Variants in ATP11A observed in about 807,000 individuals in gnomAD.
The protein encoded by ATP11A is ATPase phospholipid transporting 11A, also known as phospholipid-transporting ATPase IH.
ATP11A carries 81 observed loss-of-function variants against 154.4 expected under a neutral mutation model. The observed-to-expected ratio is 0.52, with a 90% confidence interval of 0.44 to 0.63. The LOEUF is 0.63. ATP11A is among the 30% of genes least tolerant of loss of function. The pLI is 0.00. For missense variants in ATP11A, 1,316 were observed against 1,474.3 expected (o/e 0.89, Z 1.76); for synonymous variants, 623 against 585.9 (o/e 1.06, Z -0.91).
At chr13:112,782,049 C>A (rs1341270581) in intron 1 of ATP11A, among the ~76,000 whole-genome samples, 1 of 152,388 alleles carries the variant, frequency 6.6e-6, no homozygotes, top group South Asian at 2.1e-4. Context: ...TTTTCTGAAG[C>A]CATGGCACAG....
chr13:112,859,410 C>G lies in ATP11A; in HGVS notation c.2685C>G (p.Phe895Leu). 1 of 1,614,088 alleles carries G rather than the reference C, an allele frequency of 6.2e-7. No homozygotes were observed. Among genetic ancestry groups the G allele is most frequent in the Non-Finnish European group, 8.5e-7 (1 of 1,179,938 alleles). ...CCTTTCAGAACGTCTGCTTCATCTT[C>G]CCTCAGTTTTTATACCAGTTCTTCT... Reference protein sequence around the residue: ...YFFYKNVCFIFPQFLYQFFCG... With the variant: ...YFFYKNVCFILPQFLYQFFCG... Residue 895 changes from phenylalanine to leucine, a missense_variant, in exon 23 of 30, where the codon TTC becomes TTG. Coordinates refer to ENST00000375645, the MANE Select transcript of ATP11A (RefSeq NM_015205.3). The surrounding 1 kb of genome is among the most constrained non-coding windows in gnomAD (Gnocchi z 4.3).
chr13:112,867,028 G>A (rs1481656665), intron 25 of ATP11A, among the ~76,000 whole-genome samples: 1 of 145,276 alleles, frequency 6.9e-6, no homozygotes, highest in Non-Finnish European at 1.5e-5. Flanking sequence ...ATTTTCTTCC[G>A]AGTTGGGCTT....
At chr13:112,775,612 A>G (rs2077329415) in intron 1 of ATP11A, among the ~76,000 whole-genome samples, 1 of 152,264 alleles carries the variant, frequency 6.6e-6, no homozygotes, top group African/African-American at 2.4e-5. Context: ...GTAAGAAAAA[A>G]ATTGGTTGGT....
At chr13:112,708,040 G>A (rs764696743) in intron 1 of ATP11A, among the ~76,000 whole-genome samples, 2 of 152,126 alleles carry the variant, frequency 1.3e-5, no homozygotes, top group Non-Finnish European at 1.5e-5. Flanking sequence ...AAGCCCAACC[G>A]CACGTCACGC....
intron 1 of ATP11A, among the ~76,000 whole-genome samples, chr13:112,725,321 G>A (rs1320172786): frequency 1.3e-5 from 2 of 152,150 alleles, no homozygotes; most frequent in African/African-American, 4.8e-5. Context: ...AGACCCCTGG[G>A]GAGCAGACGA....
rs942455319 is a variant in ATP11A at position 112,746,486 on chromosome 13, A to T, written c.40-38649A>T. 1 of 152,064 alleles carries T rather than the reference A, an allele frequency of 6.6e-6. No individual in the cohort carries two copies. The highest frequency in any genetic ancestry group is 1.5e-5 in the Non-Finnish European group (1 of 68,058). 9.4% of individuals were successfully genotyped at this position (152,064 alleles called of 1,614,324 possible). A position where few individuals can be genotyped will look rare whatever the true frequency, so the allele number is the denominator to read the frequency against. On this transcript the variant is annotated intron_variant, in intron 1 of 29. Coordinates refer to ENST00000375645, the MANE Select transcript of ATP11A (RefSeq NM_015205.3). The surrounding 1 kb of genome is among the most constrained non-coding windows in gnomAD (Gnocchi z 4.1). The stretch of plus-strand genomic sequence containing the variant: ...CCCCACGTCCTCACCGGCACTTGGC[A>T]CTGTCTAGTGTTTTGGTAGCAGCCA...
At chr13:112,867,743 C>A in intron 25 of ATP11A, among the ~76,000 whole-genome samples, 1 of 152,228 alleles carries the variant, frequency 6.6e-6, no homozygotes, top group Non-Finnish European at 1.5e-5. Context: ...CCACGGAACC[C>A]GCGTGCAGCC....
intron 7 of ATP11A, 121 bp downstream of exon 7, chr13:112,819,528 T>A: frequency 2.5e-6 from 2 of 800,142 alleles, no homozygotes; most frequent in Non-Finnish European, 2.0e-6. Flanking sequence ...AATCACTGCT[T>A]AAAGATTAAG....
chr13:112,842,304 A>G lies in ATP11A; in HGVS notation c.1734A>G (p.Ala578=), dbSNP rs1343596392. 1 of 1,611,742 alleles carries G rather than the reference A, an allele frequency of 6.2e-7. No individual in the cohort carries two copies. The highest frequency in any genetic ancestry group is 8.5e-7 in the Non-Finnish European group (1 of 1,178,922). ...TGEIYLFCKG[A]DSSIFPRVIE... is the part of the protein sequence containing the mutation. ...AAATTTATCTGTTTTGCAAAGGAGC[A>G]GATTCTTCGATATTCCCCCGAGTGA... is the stretch of plus-strand genomic sequence containing the variant. Residue 578 remains alanine, a synonymous_variant, in exon 17 of 30, where the codon GCA becomes GCG. Coordinates refer to ENST00000375645, the MANE Select transcript of ATP11A (RefSeq NM_015205.3).
At chr13:112,864,464 T>C (rs2080247240) in intron 25 of ATP11A, among the ~76,000 whole-genome samples, 1 of 90,732 alleles carries the variant, frequency 1.1e-5, no homozygotes, top group Non-Finnish European at 2.3e-5. Flanking sequence ...CCATGCAGCT[T>C]CCCAGCGGGG....
intron 16 of ATP11A, among the ~76,000 whole-genome samples, chr13:112,841,158 CTG>C (rs1218719880): frequency 6.7e-6 from 1 of 150,370 alleles, no homozygotes; most frequent in African/African-American, 2.5e-5. Context: ...AGAGGGAGCT[CTG>C]TGTGTCGGGA....
At chr13:112,858,910 T>C (rs1469036394) in intron 22 of ATP11A, 1 of 182,306 alleles carries the variant, frequency 5.5e-6, no homozygotes, top group Non-Finnish European at 1.2e-5. Context: ...ATCTAGAGCA[T>C]AGACAGGGTT....
intron 2 of ATP11A, among the ~76,000 whole-genome samples, chr13:112,800,376 C>G (rs998943252): frequency 8.5e-5 from 13 of 152,146 alleles, no homozygotes; most frequent in Non-Finnish European, 1.8e-4. Context: ...CAGCCCTACA[C>G]CCATAAACTT....
chr13:112,841,413 G>A (rs911057443), intron 16 of ATP11A, among the ~76,000 whole-genome samples: 13 of 148,410 alleles, frequency 8.8e-5, no homozygotes, highest in Non-Finnish European at 1.3e-4. Context: ...AGAGTGCCAC[G>A]TGGCTTCGCC....
intron 10 of ATP11A, among the ~76,000 whole-genome samples, 195 bp downstream of exon 10, chr13:112,824,620 C>G (rs2078885868): frequency 6.6e-6 from 1 of 152,184 alleles, no homozygotes; most frequent in African/African-American, 2.4e-5. Flanking sequence ...CCTTCCTGCT[C>G]TTTCTAACGC....
Position 112,690,322 on chromosome 13 carries a change from G to C in ATP11A, c.-95G>C, listed in dbSNP as rs1406631057. The C allele has an allele frequency of 2.0e-6, 2 of 985,236 alleles. No homozygotes were observed. The highest frequency in any genetic ancestry group is 1.3e-6 in the Non-Finnish European group (1 of 783,844). The allele number at this position is 985,236 out of a possible 1,614,324, so 61.0% of individuals were successfully genotyped here. On this transcript the variant is annotated 5_prime_UTR_variant, in exon 1 of 30. Coordinates refer to ENST00000375645, the MANE Select transcript of ATP11A (RefSeq NM_015205.3). This position sits in a 1 kb window ranked among gnomAD's most constrained non-coding sequence, Gnocchi z 5.6. ...GGCGCGCCGAGGCCGTGACCGGAGCGGGGGGCGCGGCCGCACTAGTACCCC... is the reference window on the plus strand; with the variant it reads ...GGCGCGCCGAGGCCGTGACCGGAGCCGGGGGCGCGGCCGCACTAGTACCCC...
chr13:112,760,581 G>T (rs989473743), intron 1 of ATP11A, among the ~76,000 whole-genome samples: 1 of 151,964 alleles, frequency 6.6e-6, no homozygotes, highest in African/African-American at 2.4e-5. Flanking sequence ...ATTTTTTTCA[G>T]CTAGTTCACA....
intron 1 of ATP11A, among the ~76,000 whole-genome samples, chr13:112,777,003 C>T (rs1427891301): frequency 1.3e-5 from 2 of 152,216 alleles, no homozygotes; most frequent in Admixed American, 6.5e-5. Flanking sequence ...TTCTGAAACG[C>T]AGCGTCTTGC....
intron 2 of ATP11A, among the ~76,000 whole-genome samples, chr13:112,791,389 C>T (rs535168670): frequency 6.6e-6 from 1 of 152,360 alleles, no homozygotes; most frequent in South Asian, 2.1e-4. Context: ...GGGCGGAGCT[C>T]GCCCGACAGC....
Sources: allele counts gnomAD v4.1 joint callset (sites outside exome capture counted in the v4.1 genomes callset), GRCh38; gene constraint gnomAD v4.1.1; non-coding constraint Gnocchi (gnomAD v3.1); transcripts MANE v1.5; gene names NCBI Gene and HGNC (gene_info 2026-07-23, HGNC 2026-07-21).